HEMK2: variants seen among roughly 807,000 people sequenced by gnomAD.
The protein encoded by HEMK2 is methyltransferase HEMK2.
chr21:28,706,995 A>G, the HEMK2 span, among the ~76,000 whole-genome samples: 1 of 152,194 alleles, frequency 6.6e-6, no homozygotes, highest in Admixed American at 6.5e-5. Context: ...TGGAAATGAC[A>G]TTTGGATTCT....
chr21:28,878,947 ATATT>A, the HEMK2 span, among the ~76,000 whole-genome samples: 1 of 148,078 alleles, frequency 6.8e-6, no homozygotes, highest in Non-Finnish European at 1.5e-5. Flanking sequence ...TTAAATATAT[ATATT>A]TATTATATAT....
the HEMK2 span, among the ~76,000 whole-genome samples, chr21:28,799,883 T>C: frequency 6.6e-6 from 1 of 152,242 alleles, no homozygotes; most frequent in African/African-American, 2.4e-5. Context: ...TCTTCTTTTA[T>C]GGTTTTGTTT....
chr21:28,601,471 C>G, the HEMK2 span, among the ~76,000 whole-genome samples: 1 of 152,138 alleles, frequency 6.6e-6, no homozygotes, highest in Non-Finnish European at 1.5e-5. Context: ...CAAATGTAAT[C>G]CTCCAGTCGA....
At chr21:28,841,308 A>AAT in the HEMK2 span, among the ~76,000 whole-genome samples, 20 of 7,714 alleles carry the variant, frequency 2.6e-3, 2 homozygotes, top group Non-Finnish European at 3.2e-3. Flanking sequence ...TATTATATAT[A>AAT]ATATATAATA....
chr21:28,862,641 G>A, the HEMK2 span, among the ~76,000 whole-genome samples: 2 of 119,812 alleles, frequency 1.7e-5, 1 homozygote, highest in South Asian at 4.5e-4. Context: ...GCGAGACTCC[G>A]TCTCAAAAAA....
the HEMK2 span, among the ~76,000 whole-genome samples, chr21:28,773,665 G>C: frequency 7.7e-3 from 1 of 130 alleles, no homozygotes; most frequent in Non-Finnish European, 0.016. Flanking sequence ...AGGTCTCTAG[G>C]CCATGCATGG....
At chr21:28,882,998 G>T in the HEMK2 span, 1 of 1,600,480 alleles carries the variant, frequency 6.2e-7, no homozygotes, top group South Asian at 1.1e-5. Context: ...TACAAAGCCT[G>T]AGGGCCTATC....
chr21:28,811,659 G>A, the HEMK2 span, among the ~76,000 whole-genome samples: 3 of 152,088 alleles, frequency 2.0e-5, no homozygotes, highest in East Asian at 1.9e-4. Flanking sequence ...CCCTTTGAAC[G>A]TACCAGCTTT....
At chr21:28,665,338 T>TC in the HEMK2 span, among the ~76,000 whole-genome samples, 1 of 95,970 alleles carries the variant, frequency 1.0e-5, no homozygotes, top group Admixed American at 1.1e-4. Flanking sequence ...ATATTTCTTT[T>TC]TTTTTTTTTT....
chr21:28,871,989 T>G, the HEMK2 span, among the ~76,000 whole-genome samples: 26,177 of 152,154 alleles, frequency 0.17, 2,350 homozygotes, highest in South Asian at 0.23. Flanking sequence ...TGTCTTAACT[T>G]GATTACATCT....
the HEMK2 span, among the ~76,000 whole-genome samples, chr21:28,607,603 A>G: frequency 6.6e-6 from 1 of 152,172 alleles, no homozygotes; most frequent in Admixed American, 6.6e-5. Flanking sequence ...GTTTAATCTT[A>G]CTTTTTTCTT....
At chr21:28,788,969 G>C in the HEMK2 span, among the ~76,000 whole-genome samples, 1 of 152,144 alleles carries the variant, frequency 6.6e-6, no homozygotes, top group African/African-American at 2.4e-5. Context: ...GGAATGCCAA[G>C]GATTGCTGGG....
At chr21:28,778,952 C>T in the HEMK2 span, among the ~76,000 whole-genome samples, 4 of 152,092 alleles carry the variant, frequency 2.6e-5, no homozygotes, top group Non-Finnish European at 1.5e-5. Context: ...CCAACTTAAT[C>T]GATTTTTCCT....
At chr21:28,751,187 C>T in the HEMK2 span, among the ~76,000 whole-genome samples, 3 of 148,734 alleles carry the variant, frequency 2.0e-5, no homozygotes, top group East Asian at 4.0e-4. Flanking sequence ...GCCGAGATCA[C>T]GCCACTGCAC....
chr21:28,778,949 A>C, the HEMK2 span, among the ~76,000 whole-genome samples: 3 of 152,142 alleles, frequency 2.0e-5, no homozygotes, highest in South Asian at 6.2e-4. Context: ...GATCCAACTT[A>C]ATCGATTTTT....
chr21:28,576,646 T>C, the HEMK2 span, among the ~76,000 whole-genome samples: 3 of 152,202 alleles, frequency 2.0e-5, no homozygotes, highest in African/African-American at 7.2e-5. Context: ...GCCATGATTA[T>C]GAAGATGCAC....
chr21:28,864,820 C>CAGATAGATAGATAGATAGATAGAT, the HEMK2 span, among the ~76,000 whole-genome samples: 15 of 119,206 alleles, frequency 1.3e-4, no homozygotes, highest in East Asian at 4.5e-4. Context: ...GACAGACAGA[C>CAGATAGATAGATAGATAGATAGAT]AGATAGATAG....
the HEMK2 span, among the ~76,000 whole-genome samples, chr21:28,661,184 T>C: frequency 0.025 from 3,877 of 152,208 alleles, 170 homozygotes; most frequent in African/African-American, 0.087. Flanking sequence ...TTTTCTTCTA[T>C]CTTTGATGTC....
At chr21:28,802,959 T>C in the HEMK2 span, among the ~76,000 whole-genome samples, 1 of 152,098 alleles carries the variant, frequency 6.6e-6, no homozygotes, top group Admixed American at 6.6e-5. Context: ...CTGAGAAAAT[T>C]AAAATATGAG....
Sources: allele counts gnomAD v4.1 joint callset (sites outside exome capture counted in the v4.1 genomes callset), GRCh38; gene constraint gnomAD v4.1.1; transcripts MANE v1.5; gene names NCBI Gene and HGNC (gene_info 2026-07-23, HGNC 2026-07-21).